Variants in KIFAP3 observed in about 807,000 individuals in gnomAD.
KIFAP3 encodes the protein kinesin associated protein 3.
KIFAP3 carries 68 observed loss-of-function variants against 106.5 expected under a neutral mutation model. That is an observed-to-expected ratio of 0.64 (90% CI 0.53 to 0.78). KIFAP3 has a LOEUF of 0.78. KIFAP3 is among the 30% of genes least tolerant of loss of function. KIFAP3 has a pLI of 0.00. For missense variants in KIFAP3, 780 were observed against 941.8 expected (o/e 0.83, Z 2.25); for synonymous variants, 320 against 311.5 (o/e 1.03, Z -0.29).
chr1:170,006,944 C>T (rs974991117), intron 10 of KIFAP3, among the ~76,000 whole-genome samples: 1 of 151,426 alleles, frequency 6.6e-6, no homozygotes, highest in African/African-American at 2.4e-5. Context: ...GCCCTGGGGG[C>T]ATTCTAATGC....
At chr1:169,993,105 C>A (rs1281336261) in intron 10 of KIFAP3, among the ~76,000 whole-genome samples, 1 of 140,226 alleles carries the variant, frequency 7.1e-6, no homozygotes, top group African/African-American at 2.6e-5. Context: ...TCTTTTCTGT[C>A]CTTTTTTTTT....
chr1:169,982,309 G>A (rs1162049680), intron 14 of KIFAP3, among the ~76,000 whole-genome samples: 1 of 152,064 alleles, frequency 6.6e-6, no homozygotes, highest in African/African-American at 2.4e-5. Context: ...GTAGAAAAGT[G>A]GAAATGAGCC....
chr1:170,042,168 T>A (rs1039018873), intron 3 of KIFAP3, among the ~76,000 whole-genome samples: 2 of 152,246 alleles, frequency 1.3e-5, no homozygotes, highest in Non-Finnish European at 2.9e-5. Context: ...TCTTGGTCGA[T>A]ACGGGAAATA....
chr1:170,008,514 A>G (rs546701980), intron 10 of KIFAP3, among the ~76,000 whole-genome samples: 26 of 152,108 alleles, frequency 1.7e-4, no homozygotes, highest in Admixed American at 5.2e-4. Context: ...CAAACATATG[A>G]AAAAAAGCTC....
At chr1:169,952,383 T>C (rs2101839437) in intron 19 of KIFAP3, among the ~76,000 whole-genome samples, 1 of 152,066 alleles carries the variant, frequency 6.6e-6, no homozygotes, top group Non-Finnish European at 1.5e-5. Context: ...TAATTGTGTA[T>C]TACAGGTAGA....
chr1:170,056,551 A>G (rs190293607), intron 1 of KIFAP3, among the ~76,000 whole-genome samples: 4 of 152,356 alleles, frequency 2.6e-5, no homozygotes, highest in Non-Finnish European at 2.9e-5. Context: ...TTAGCTGACC[A>G]GTGGGGTCTT....
chr1:170,074,681 C>G lies in KIFAP3; in HGVS notation c.-214G>C, dbSNP rs1671857133. ...CCAAAACACTGGAGCGGCCCAGACC[C>G]GCCCAGAGTCGCCTAAGCCGGGCCG... On this transcript the variant is annotated 5_prime_UTR_variant, in exon 1 of 20. Transcript: ENST00000361580. The G allele has an allele frequency of 1.4e-6, 2 of 1,416,284 alleles. No homozygotes were observed. The highest frequency in any genetic ancestry group is 1.4e-5 in the African/African-American group (1 of 69,294). 87.7% of individuals were successfully genotyped at this position (1,416,284 alleles called of 1,614,324 possible). A position where few individuals can be genotyped will look rare whatever the true frequency, so the allele number is the denominator to read the frequency against.
intron 16 of KIFAP3, 52 bp from the exon 17 acceptor site, chr1:169,972,650 A>G (rs762109635): frequency 1.2e-6 from 1 of 823,342 alleles, no homozygotes; most frequent in Admixed American, 2.7e-5. Flanking sequence ...GTGGCTAGTC[A>G]ATAATACTAC....
chr1:170,053,712 C>T (rs778913093), intron 2 of KIFAP3, among the ~76,000 whole-genome samples: 2 of 150,000 alleles, frequency 1.3e-5, no homozygotes, highest in Admixed American at 6.6e-5. Flanking sequence ...AACTAACCTT[C>T]GACAAATCTG....
At chr1:170,018,910 A>G (rs1668664633) in intron 9 of KIFAP3, among the ~76,000 whole-genome samples, 1 of 152,178 alleles carries the variant, frequency 6.6e-6, no homozygotes, top group South Asian at 2.1e-4. Context: ...GTATAATTCT[A>G]TTGCCAAAGA....
chr1:170,035,548 C>T lies in KIFAP3; in HGVS notation c.523G>A (p.Ala175Thr), dbSNP rs1199390024. ...NLEELLLNETALGALARVLRE... is the reference protein window; with the variant it reads ...NLEELLLNETTLGALARVLRE... ...AGGACCCTTGCTAATGCACCAAGGG[C>T]AGTTTCTAAAGAAAAAGGAGAGGTA... is the stretch of plus-strand genomic sequence containing the variant. Residue 175 changes from alanine to threonine, a missense_variant, in exon 6 of 20, where the codon GCC (alanine) becomes ACC (threonine). Physicochemically the swap from Ala to Thr is moderately conservative, Grantham distance 58. Transcript: ENST00000361580. 5 of 1,595,044 alleles carry T rather than the reference C, an allele frequency of 3.1e-6. No homozygotes were observed. Among genetic ancestry groups the T allele is most frequent in the Non-Finnish European group, 4.3e-6 (5 of 1,169,486 alleles).
At chr1:170,084,141 A>G (rs1672065056) in intron 1 of KIFAP3, among the ~76,000 whole-genome samples, 1 of 152,198 alleles carries the variant, frequency 6.6e-6, no homozygotes, top group African/African-American at 2.4e-5. Context: ...GGCTTTAGAG[A>G]TATAGGAGTC....
intron 16 of KIFAP3, among the ~76,000 whole-genome samples, chr1:169,972,971 GAAAACTAATTTCAAAC>G (rs1173172983): frequency 3.3e-5 from 5 of 150,666 alleles, no homozygotes; most frequent in African/African-American, 4.9e-5. Flanking sequence ...AAAAATTCAG[GAAAACTAATTTCAAAC>G]AAAACTAACA....
rs1664068252 is a variant in KIFAP3 at position 169,940,909 on chromosome 1, TTATG to T, written c.2273+13098_2273+13101del. Among the ~76,000 whole-genome samples the T allele has an allele frequency of 8.8e-5, 10 of 113,346 alleles. No individual in the cohort carries two copies. The Admixed American group carries it at 9.8e-4, about 11-fold the overall frequency. 74.4% of individuals were successfully genotyped at this position (113,346 alleles called of 152,430 possible). A position where few individuals can be genotyped will look rare whatever the true frequency, so the allele number is the denominator to read the frequency against. The stretch of plus-strand genomic sequence containing the variant: ...TTGAGCAGTTGCACTTGTTTAAGAA[TTATG>T]TGTGTGTGTGTGTGTGTGTGTGTGT... On this transcript the variant is annotated intron_variant, in intron 19 of 19. Transcript: ENST00000361580.
intron 9 of KIFAP3, among the ~76,000 whole-genome samples, chr1:170,017,659 AG>A (rs1668594674): frequency 6.6e-6 from 1 of 152,194 alleles, no homozygotes; most frequent in Non-Finnish European, 1.5e-5. Context: ...CAGGCAGTGA[AG>A]TGTTCTGAAA....
intron 1 of KIFAP3, among the ~76,000 whole-genome samples, chr1:170,069,343 A>G (rs1384456473): frequency 6.6e-6 from 1 of 152,130 alleles, no homozygotes; most frequent in Non-Finnish European, 1.5e-5. Context: ...TAGAGGAAAC[A>G]CTTCCTAATT....
intron 1 of KIFAP3, among the ~76,000 whole-genome samples, chr1:170,083,111 T>C (rs1453147475): frequency 6.6e-6 from 1 of 152,108 alleles, no homozygotes; most frequent in African/African-American, 2.4e-5. Flanking sequence ...TAAAGATCCA[T>C]AAGCTTTTAA....
At chr1:169,978,783 C>G (rs1028287699) in intron 15 of KIFAP3, among the ~76,000 whole-genome samples, 1 of 152,064 alleles carries the variant, frequency 6.6e-6, no homozygotes, top group African/African-American at 2.4e-5. Flanking sequence ...AGTTTGCTAT[C>G]AACTCTTGGT....
chr1:170,028,100 G>A (rs986229107), intron 8 of KIFAP3, among the ~76,000 whole-genome samples: 8 of 151,848 alleles, frequency 5.3e-5, no homozygotes, highest in African/African-American at 1.9e-4. Flanking sequence ...GACTTTTTTA[G>A]ACACACAAAA....
Sources: gnomAD v4.1 joint callset for allele counts (sites outside exome capture counted in the v4.1 genomes callset) on GRCh38, gnomAD v4.1.1 for gene constraint, MANE v1.5 for transcripts, NCBI Gene and HGNC (gene_info 2026-07-23, HGNC 2026-07-21) for gene names.